The following SBNO2 variants were observed in gnomAD, a reference collection of about 807,000 sequenced individuals.
The protein encoded by SBNO2 is protein strawberry notch homolog 2.
A neutral mutation model predicts 146.3 loss-of-function variants in SBNO2; 89 were observed. The observed-to-expected ratio is 0.61, with a 90% CI of 0.51 to 0.73. SBNO2 has a LOEUF of 0.73. Ranked by LOEUF, SBNO2 falls within the 30% of genes least tolerant of loss-of-function variation. The probability of loss-of-function intolerance (pLI) is 0.00; values close to 1 mark genes in which losing one functional copy is unlikely to be tolerated. For missense variants in SBNO2, 2,092 were observed against 2,003.7 expected, an observed-to-expected ratio of 1.04 and a Z score of -0.84; for synonymous variants, 1,147 against 892.6, an observed-to-expected ratio of 1.29 and a Z score of -5.08.
intron 15 of SBNO2, 119 bp downstream of exon 15, chr19:1,117,204 C>T (rs1320134787): frequency 9.3e-7 from 1 of 1,070,940 alleles, no homozygotes; most frequent in Non-Finnish European, 1.3e-6. Context: ...CGTCTCTCAC[C>T]CACCAGGGTG....
chr19:1,111,146 G>A (rs367574811), intron 24 of SBNO2, 53 bp from the exon 25 acceptor site: 38 of 1,516,632 alleles, frequency 2.5e-5, no homozygotes, highest in African/African-American at 8.3e-5. Flanking sequence ...CCCCTCCCTC[G>A]AAGCCCCTAG....
Position 1,109,090 on chromosome 19 carries a change from C to A in SBNO2, c.3425+45G>T, listed in dbSNP as rs1399133309. ...GGGAGCCCCCGATCCCCGCCTGGGT[C>A]GCCGCCATCTGCCGGTTTCCCCCTG... On this transcript the variant is annotated intron_variant, in intron 30 of 31. Coordinates refer to ENST00000361757, the MANE Select transcript of SBNO2 (RefSeq NM_014963.3). This position sits in a 1 kb window ranked among gnomAD's most constrained non-coding sequence, Gnocchi z 4.2. 10 of 1,541,216 alleles carry A rather than the reference C, an allele frequency of 6.5e-6. No homozygotes were observed. The highest frequency in any genetic ancestry group is 2.7e-5 in the African/African-American group (2 of 72,794).
intron 4 of SBNO2, among the ~76,000 whole-genome samples, chr19:1,145,397 T>G (rs1599863653): frequency 6.9e-6 from 1 of 144,504 alleles, no homozygotes; most frequent in East Asian, 2.0e-4. Context: ...CGCTTGAACC[T>G]GGGAAGCGGA....
chr19:1,141,726 CTCAG>C (rs2080139241), intron 4 of SBNO2, among the ~76,000 whole-genome samples: 1 of 152,110 alleles, frequency 6.6e-6, no homozygotes, highest in African/African-American at 2.4e-5. Flanking sequence ...ATCCTCATGC[CTCAG>C]TCAAATAGAT....
intron 4 of SBNO2, among the ~76,000 whole-genome samples, chr19:1,141,182 C>T (rs1356246819): frequency 1.3e-5 from 2 of 152,154 alleles, no homozygotes; most frequent in African/African-American, 2.4e-5. Context: ...CTGACTCCCC[C>T]GGTCCAACAA....
Position 1,109,610 on chromosome 19 carries a change from C to A in SBNO2, c.3124-12G>T. On this transcript the variant is annotated splice_polypyrimidine_tract_variant and intron_variant, in intron 27 of 31. Coordinates refer to ENST00000361757, the MANE Select transcript of SBNO2 (RefSeq NM_014963.3). The surrounding 1 kb of genome is among the most constrained non-coding windows in gnomAD (Gnocchi z 4.2). ...CGGTCCACGCTGATCTGCCACGGCACGGGGTGGGGGGGTGTGAGTGTGGTG... is the reference window on the plus strand; with the variant it reads ...CGGTCCACGCTGATCTGCCACGGCAAGGGGTGGGGGGGTGTGAGTGTGGTG... 1.5e-6 allele frequency: 1 copy of A among 661,664 alleles called. No homozygotes were observed. The highest frequency in any genetic ancestry group is 2.2e-6 in the Non-Finnish European group (1 of 456,676). 41.0% of individuals were successfully genotyped at this position (661,664 alleles called of 1,614,324 possible).
At chr19:1,141,094 G>GACGCGCCCCGGAGAAC (rs1047752917) in intron 4 of SBNO2, among the ~76,000 whole-genome samples, 2 of 151,738 alleles carry the variant, frequency 1.3e-5, no homozygotes, top group East Asian at 1.9e-4. Context: ...CTCCGGAGAA[G>GACGCGCCCCGGAGAAC]ACGCGCCCCG....
At chr19:1,154,091 G>A in intron 2 of SBNO2, 93 bp downstream of exon 2, 1 of 557,906 alleles carries the variant, frequency 1.8e-6, no homozygotes, top group Non-Finnish European at 2.7e-6. Flanking sequence ...GTCCACTGGG[G>A]CAGCATTCCG....
intron 4 of SBNO2, among the ~76,000 whole-genome samples, chr19:1,131,228 G>A (rs1218299381): frequency 1.3e-5 from 2 of 152,114 alleles, no homozygotes; most frequent in Non-Finnish European, 2.9e-5. Context: ...CAGCTCAGCG[G>A]ACCCAGTGCC....
At chr19:1,171,372 G>A (rs1478855919) in intron 1 of SBNO2, among the ~76,000 whole-genome samples, 1 of 152,096 alleles carries the variant, frequency 6.6e-6, no homozygotes, top group African/African-American at 2.4e-5. Context: ...ACACACATGT[G>A]CATGCACATG....
intron 2 of SBNO2, among the ~76,000 whole-genome samples, 175 bp downstream of exon 2, chr19:1,154,009 C>A (rs1387668735): frequency 1.3e-5 from 2 of 152,202 alleles, no homozygotes; most frequent in African/African-American, 4.8e-5. Flanking sequence ...CCATGGGGAC[C>A]CTTCTCCAGG....
Position 1,109,515 on chromosome 19 carries a change from G to A in SBNO2, c.3207C>T (p.Leu1069=), listed in dbSNP as rs989846488. The change falls in exon 28 of 32, where the codon CTC becomes CTT. Residue 1069 remains leucine, a synonymous_variant. Coordinates refer to ENST00000361757, the MANE Select transcript of SBNO2 (RefSeq NM_014963.3). This position sits in a 1 kb window ranked among gnomAD's most constrained non-coding sequence, Gnocchi z 4.2. ...ALTGPYDGFY[L]SYKVRGNKPS... ...CCCCGCCCGACCCCACCTTGTAGGA[G>A]AGGTAGAAGCCGTCATAGGGGCCCG... The A allele has an allele frequency of 1.0e-5, 16 of 1,598,364 alleles. No homozygotes were observed. The highest frequency in any genetic ancestry group is 1.3e-5 in the Non-Finnish European group (15 of 1,173,846).
intron 8 of SBNO2, 39 bp downstream of exon 8, chr19:1,122,855 G>A (rs922299180): frequency 5.9e-6 from 9 of 1,537,544 alleles, no homozygotes; most frequent in African/African-American, 2.7e-5. Flanking sequence ...CAGGGGCCTC[G>A]CGGACACAGG....
intron 4 of SBNO2, among the ~76,000 whole-genome samples, chr19:1,138,858 A>G (rs2080109482): frequency 6.6e-6 from 1 of 150,450 alleles, no homozygotes; most frequent in Admixed American, 6.6e-5. Context: ...GGACAGACAC[A>G]GTGGGGCCCT....
In SBNO2 at chr19:1,109,245, G is replaced by C; in HGVS notation, c.3349-34C>G. 6.4e-7 allele frequency: 1 copy of C among 1,573,888 alleles called. No homozygotes were observed. Among genetic ancestry groups the C allele is most frequent in the Non-Finnish European group, 8.6e-7 (1 of 1,160,448 alleles). The stretch of plus-strand genomic sequence containing the variant: ...ACAGGGCCGCATGAGCCTGGGCGGG[G>C]TCAGGGCCGGCAACCCGAGCGAAAG... On this transcript the variant is annotated intron_variant, in intron 29 of 31. Transcript: ENST00000361757. The surrounding 1 kb of genome is among the most constrained non-coding windows in gnomAD (Gnocchi z 4.2).
In SBNO2 at chr19:1,122,684, G is replaced by C; in HGVS notation, c.888C>G (p.His296Gln). 2 of 1,536,018 alleles carry C rather than the reference G, an allele frequency of 1.3e-6. No homozygotes were observed. Among genetic ancestry groups the C allele is most frequent in the South Asian group, 2.4e-5 (2 of 84,028 alleles). Residue 296 changes from histidine (H) to glutamine (Q), a missense_variant, in exon 9 of 32, where the codon CAC (histidine) becomes CAG (glutamine). Transcript: ENST00000361757. Reference sequence around the variant, plus strand: ...ACAATGCTTTCTTCCGGCCGCGCAGGTGGTTCTCCAGGATGACTCCGGCCA... The same window carrying C: ...ACAATGCTTTCTTCCGGCCGCGCAGCTGGTTCTCCAGGATGACTCCGGCCA... ...RTVAGVILEN[H>Q]LRGRKKALWF...
At chr19:1,153,187 T>A (rs2080258197) in intron 2 of SBNO2, among the ~76,000 whole-genome samples, 1 of 151,144 alleles carries the variant, frequency 6.6e-6, no homozygotes, top group Non-Finnish European at 1.5e-5. Flanking sequence ...TAAAATGAAA[T>A]AAAATAAAAA....
intron 5 of SBNO2, among the ~76,000 whole-genome samples, chr19:1,125,744 T>C (rs1482671864): frequency 6.6e-6 from 1 of 151,412 alleles, no homozygotes; most frequent in African/African-American, 2.4e-5. Flanking sequence ...GGCTCAGGCC[T>C]GTGGGAGGCA....
chr19:1,114,666 C>T (rs560707461), intron 17 of SBNO2, among the ~76,000 whole-genome samples: 205 of 152,222 alleles, frequency 1.3e-3, no homozygotes, highest in Middle Eastern at 0.01. Context: ...TCTTTTGAGA[C>T]GGAGTCTTAC....
Sources: gnomAD v4.1 joint callset for allele counts (sites outside exome capture counted in the v4.1 genomes callset) on GRCh38, gnomAD v4.1.1 for gene constraint, Gnocchi (gnomAD v3.1) non-coding constraint, MANE v1.5 for transcripts, NCBI Gene and HGNC (gene_info 2026-07-23, HGNC 2026-07-21) for gene names.